Variants in COL4A6 observed in about 807,000 individuals in gnomAD.
COL4A6 encodes the protein collagen alpha-6(IV) chain.
Under a neutral mutation model 126.7 loss-of-function variants are expected in COL4A6, and 59 were observed. The observed-to-expected ratio is 0.47, with a 90% confidence interval of 0.38 to 0.58. The LOEUF (loss-of-function observed/expected upper bound fraction) is 0.58, where lower values mean the gene tolerates loss of function less well. COL4A6 is among the 20% of genes least tolerant of loss of function. The pLI, the probability that COL4A6 is intolerant of heterozygous loss-of-function variation, is 0.00. For synonymous variants in COL4A6, 547 were observed against 496.6 expected, an observed-to-expected ratio of 1.10 and a Z score of -1.35; for missense variants, 1,285 against 1,337.3, an observed-to-expected ratio of 0.96 and a Z score of 0.61.
intron 2 of COL4A6, among the ~76,000 whole-genome samples, chrX:108,431,059 G>A (rs991980627): frequency 7.2e-5 from 8 of 111,258 alleles, no homozygotes; most frequent in Non-Finnish European, 1.5e-4. Flanking sequence ...GAGGCAAGAA[G>A]ACAGTAAAGA....
chrX:108,167,013 G>A (rs989712511), intron 37 of COL4A6, among the ~76,000 whole-genome samples: 1 of 111,891 alleles, frequency 8.9e-6, no homozygotes, highest in African/African-American at 3.3e-5. Flanking sequence ...TCCCATGGCA[G>A]TTTTTGGAGA....
chrX:108,382,667 C>T (rs1001185668), intron 2 of COL4A6, among the ~76,000 whole-genome samples: 2 of 110,586 alleles, frequency 1.8e-5, no homozygotes, highest in Non-Finnish European at 3.8e-5. Flanking sequence ...AAAAACTAGG[C>T]CAGGCACGGT....
intron 2 of COL4A6, among the ~76,000 whole-genome samples, chrX:108,351,314 C>T (rs1189770572): frequency 4.5e-5 from 5 of 111,480 alleles, no homozygotes; most frequent in Non-Finnish European, 9.4e-5. Context: ...CTTCTTTATA[C>T]TTGTCTGCAT....
At chrX:108,427,637 T>C (rs2064110369) in intron 2 of COL4A6, among the ~76,000 whole-genome samples, 1 of 111,509 alleles carries the variant, frequency 9.0e-6, no homozygotes, top group South Asian at 3.9e-4. Context: ...AGATACTCCA[T>C]GGGTGTAGGG....
chrX:108,180,396 G>A, intron 25 of COL4A6, 119 bp downstream of exon 25: 1 of 588,030 alleles, frequency 1.7e-6, no homozygotes, highest in Non-Finnish European at 2.7e-6. Context: ...CCACACCAGA[G>A]AGCAAACTTG....
intron 3 of COL4A6, among the ~76,000 whole-genome samples, chrX:108,272,739 T>G (rs1033132515): frequency 9.1e-6 from 1 of 109,559 alleles, no homozygotes; most frequent in Non-Finnish European, 1.9e-5. Context: ...AGGACAACTT[T>G]AATTCGAGAT....
At chrX:108,209,123 GT>G (rs1168297300) in intron 8 of COL4A6, among the ~76,000 whole-genome samples, 3 of 112,104 alleles carry the variant, frequency 2.7e-5, no homozygotes, top group Non-Finnish European at 5.6e-5. Flanking sequence ...GTTTTTGTGT[GT>G]GCTTGCACAC....
chrX:108,170,976 T>C, intron 33 of COL4A6, 59 bp from the exon 34 acceptor site: 2 of 1,003,217 alleles, frequency 2.0e-6, no homozygotes, highest in Non-Finnish European at 2.8e-6. Flanking sequence ...TGTATTCCTC[T>C]ATGGGAAAGA....
At chrX:108,165,593 G>A (rs1261437742) in intron 37 of COL4A6, 107 bp from the exon 38 acceptor site, 15 of 502,025 alleles carry the variant, frequency 3.0e-5, no homozygotes. Flanking sequence ...GAAGCAGTTA[G>A]GTAGGAGCCA....
At chrX:108,262,065 G>A (rs1259367880) in intron 3 of COL4A6, among the ~76,000 whole-genome samples, 1 of 111,734 alleles carries the variant, frequency 8.9e-6, no homozygotes, top group Non-Finnish European at 1.9e-5. Flanking sequence ...GTTTTCCATG[G>A]GGGTAAAGGA....
At chrX:108,313,501 T>A (rs1041375406) in intron 2 of COL4A6, among the ~76,000 whole-genome samples, 18 of 111,590 alleles carry the variant, frequency 1.6e-4, no homozygotes, top group Admixed American at 1.1e-3. Flanking sequence ...AAAATTTTTT[T>A]AAATCTTATT....
chrX:108,263,469 T>A (rs1397929427), intron 3 of COL4A6, among the ~76,000 whole-genome samples: 3 of 112,077 alleles, frequency 2.7e-5, no homozygotes, highest in African/African-American at 9.7e-5. Context: ...CCCATCAACA[T>A]CTTCCTGTGT....
At chrX:108,176,312 C>CA (rs55686119) in intron 28 of COL4A6, among the ~76,000 whole-genome samples, 18,154 of 78,249 alleles carry the variant, frequency 0.23, 1,820 homozygotes, top group Non-Finnish European at 0.28. Context: ...AAAACTCTGT[C>CA]AAAAAAAAAA....
intron 2 of COL4A6, among the ~76,000 whole-genome samples, chrX:108,399,194 C>G (rs926402339): frequency 9.9e-5 from 11 of 111,118 alleles, no homozygotes; most frequent in African/African-American, 3.6e-4. Flanking sequence ...AATGAAAAAC[C>G]ATGCAAGAAT....
At chrX:108,280,251 A>G (rs1359962994) in intron 3 of COL4A6, among the ~76,000 whole-genome samples, 1 of 111,698 alleles carries the variant, frequency 9.0e-6, no homozygotes, top group East Asian at 2.8e-4. Context: ...CGCTAGCAAG[A>G]CTAATAAAGA....
At chrX:108,202,777 C>A in intron 13 of COL4A6, 151 bp downstream of exon 13, 2 of 513,885 alleles carry the variant, frequency 3.9e-6, no homozygotes, top group South Asian at 3.0e-5. Context: ...GTTTGAGAAA[C>A]AAGAACATCT....
chrX:108,335,403 T>C (rs1480424951), intron 2 of COL4A6, among the ~76,000 whole-genome samples: 2 of 112,208 alleles, frequency 1.8e-5, no homozygotes, highest in Non-Finnish European at 3.8e-5. Flanking sequence ...ACACAGCTAA[T>C]AAACACTGAA....
intron 3 of COL4A6, among the ~76,000 whole-genome samples, chrX:108,229,532 T>C (rs1463211679): frequency 3.6e-5 from 4 of 112,325 alleles, no homozygotes; most frequent in Non-Finnish European, 7.5e-5. Flanking sequence ...TCTGCATTTC[T>C]AACAAGTTCT....
At chrX:108,350,945 G>A (rs2039825262) in intron 2 of COL4A6, among the ~76,000 whole-genome samples, 1 of 111,645 alleles carries the variant, frequency 9.0e-6, no homozygotes, top group African/African-American at 3.3e-5. Flanking sequence ...GTTTCAGCCA[G>A]CAAGGAGTAG....
Sources: allele counts gnomAD v4.1 joint callset (sites outside exome capture counted in the v4.1 genomes callset), GRCh38; gene constraint gnomAD v4.1.1; transcripts MANE v1.5; gene names NCBI Gene and HGNC (gene_info 2026-07-23, HGNC 2026-07-21).